The following CPXM2 variants were observed in gnomAD, a reference collection of about 807,000 sequenced individuals.
CPXM2 encodes inactive carboxypeptidase-like protein X2.
CPXM2 carries 66 observed loss-of-function variants against 86.1 expected under a neutral mutation model. The observed-to-expected ratio is 0.77, with a 90% CI of 0.63 to 0.94. CPXM2 has a LOEUF of 0.94. Ranked by LOEUF, CPXM2 falls within the 40% of genes least tolerant of loss-of-function variation. The probability of loss-of-function intolerance (pLI) is 0.00; values close to 1 mark genes in which losing one functional copy is unlikely to be tolerated. For missense variants in CPXM2, 948 were observed against 1,026.3 expected (o/e 0.92, Z 1.04); for synonymous variants, 388 against 400.2 (o/e 0.97, Z 0.36).
At chr10:123,843,655 A>G (rs1236951809) in intron 3 of CPXM2, among the ~76,000 whole-genome samples, 2 of 152,296 alleles carry the variant, frequency 1.3e-5, no homozygotes, top group East Asian at 3.9e-4. Flanking sequence ...TTCTGGGGAC[A>G]GCCTTACTTT....
rs535620073 is a variant in CPXM2, at chr10:123,786,152, G to T, written c.890-5897C>A. The stretch of plus-strand genomic sequence containing the variant: ...ATGCAGATGTAGCTTTAATCTTGAA[G>T]CAAAAAGCTTTTACTGACTTCATCC... On this transcript the variant is annotated intron_variant, in intron 6 of 13. Transcript: ENST00000241305. Among the ~76,000 whole-genome samples the T allele has an allele frequency of 8.5e-5, 13 of 152,252 alleles. No homozygotes were observed. In the South Asian group the frequency reaches 2.5e-3, roughly 29 times the overall value.
At chr10:123,921,599 T>A (rs1945579919) in intron 2 of CPXM2, among the ~76,000 whole-genome samples, 1 of 152,178 alleles carries the variant, frequency 6.6e-6, no homozygotes, top group Non-Finnish European at 1.5e-5. Context: ...AGGCAAGGAA[T>A]AAAGACCACT....
chr10:123,781,649 G>T (rs140884002), intron 6 of CPXM2, among the ~76,000 whole-genome samples: 11 of 152,328 alleles, frequency 7.2e-5, no homozygotes, highest in African/African-American at 2.6e-4. Flanking sequence ...CGAACACTCT[G>T]TGTTATGTGG....
At chr10:123,876,328 T>G (rs1944987192) in intron 2 of CPXM2, among the ~76,000 whole-genome samples, 1 of 152,142 alleles carries the variant, frequency 6.6e-6, no homozygotes, top group African/African-American at 2.4e-5. Flanking sequence ...ATTGGGTCTA[T>G]CCAGAGATGA....
chr10:123,797,586 T>G (rs1460659603), intron 6 of CPXM2, among the ~76,000 whole-genome samples: 1 of 62,896 alleles, frequency 1.6e-5, no homozygotes, highest in Admixed American at 1.7e-4. Context: ...CTTTTTACCT[T>G]TTTATTTTTT....
intron 1 of CPXM2, among the ~76,000 whole-genome samples, chr10:123,887,553 G>A (rs1945198505): frequency 6.6e-6 from 1 of 152,116 alleles, no homozygotes; most frequent in Non-Finnish European, 1.5e-5. Flanking sequence ...CCATCCCCCT[G>A]GGGATATTTG....
chr10:123,812,439 G>C lies in CPXM2; in HGVS notation c.654-13240C>G, dbSNP rs184777319. Among the ~76,000 whole-genome samples the C allele has an allele frequency of 2.6e-3, 400 of 152,254 alleles. 2 individuals are homozygous for C. The highest frequency in any genetic ancestry group is 9.2e-3 in the African/African-American group (382 of 41,550). On this transcript the variant is annotated intron_variant, in intron 4 of 13. Transcript: ENST00000241305. Reference sequence around the variant, plus strand: ...ACAAGAGTAGTTTTTAAAGGTAGGAGATTAATTGGTCCCCGATAAGGAGAA... The same window carrying C: ...ACAAGAGTAGTTTTTAAAGGTAGGACATTAATTGGTCCCCGATAAGGAGAA...
chr10:123,857,441 T>C (rs1371025404), intron 3 of CPXM2, among the ~76,000 whole-genome samples: 1 of 151,874 alleles, frequency 6.6e-6, no homozygotes, highest in Non-Finnish European at 1.5e-5. Flanking sequence ...ATTAGCACAA[T>C]TAAGGAGACA....
At chr10:123,812,938 A>G (rs1020880998) in intron 4 of CPXM2, among the ~76,000 whole-genome samples, 1 of 152,108 alleles carries the variant, frequency 6.6e-6, no homozygotes, top group African/African-American at 2.4e-5. Context: ...CAGGTTCATG[A>G]GCATTGGTTT....
At chr10:123,876,692 A>G (rs1944993457) in intron 2 of CPXM2, among the ~76,000 whole-genome samples, 2 of 152,234 alleles carry the variant, frequency 1.3e-5, no homozygotes, top group Admixed American at 1.3e-4. Context: ...CTACTAAAGC[A>G]TAAAATATTT....
intron 2 of CPXM2, 57 bp downstream of exon 2, chr10:123,880,154 A>ACCCCCC: frequency 4.5e-6 from 1 of 224,168 alleles, no homozygotes; most frequent in Non-Finnish European, 8.9e-6. Flanking sequence ...GTACCCACCC[A>ACCCCCC]CCCTCCCTGA....
At chr10:123,816,021 A>C (rs558308720) in intron 4 of CPXM2, among the ~76,000 whole-genome samples, 2 of 152,290 alleles carry the variant, frequency 1.3e-5, no homozygotes, top group East Asian at 1.9e-4. Context: ...AATATGGATT[A>C]GAAGATGGCC....
chr10:123,762,370 G>C (rs1846367565), intron 10 of CPXM2, among the ~76,000 whole-genome samples: 2 of 152,192 alleles, frequency 1.3e-5, no homozygotes, highest in Admixed American at 1.3e-4. Flanking sequence ...GGCTTTGTTT[G>C]GATCTTGATT....
intron 2 of CPXM2, among the ~76,000 whole-genome samples, chr10:123,870,413 G>A (rs1483068705): frequency 6.6e-6 from 1 of 152,186 alleles, no homozygotes; most frequent in Non-Finnish European, 1.5e-5. Flanking sequence ...GGTGGGCGCT[G>A]CCAAGAACAA....
intron 2 of CPXM2, among the ~76,000 whole-genome samples, chr10:123,875,320 T>C (rs1944963852): frequency 6.6e-6 from 1 of 152,178 alleles, no homozygotes; most frequent in Non-Finnish European, 1.5e-5. Flanking sequence ...AGTGCCCACA[T>C]TTCTTGGGCT....
At chr10:123,752,365 T>C (rs1846097990) in intron 13 of CPXM2, 1 of 984,856 alleles carries the variant, frequency 1.0e-6, no homozygotes, top group African/African-American at 1.7e-5. Flanking sequence ...GGTAGGAATG[T>C]TCAGAAAATA....
intron 6 of CPXM2, among the ~76,000 whole-genome samples, chr10:123,787,309 C>G (rs1183379293): frequency 6.6e-6 from 1 of 152,196 alleles, no homozygotes; most frequent in African/African-American, 2.4e-5. Context: ...CACCCTCACT[C>G]TTGCTGGTAC....
chr10:123,844,269 C>T (rs975846813), intron 3 of CPXM2, among the ~76,000 whole-genome samples: 2 of 151,286 alleles, frequency 1.3e-5, no homozygotes, highest in African/African-American at 2.4e-5. Flanking sequence ...GTAGGGAAAT[C>T]GCTGATAAAT....
chr10:123,824,018 C>G (rs1415961862), intron 4 of CPXM2, among the ~76,000 whole-genome samples: 1 of 152,156 alleles, frequency 6.6e-6, no homozygotes, highest in Non-Finnish European at 1.5e-5. Context: ...TTCAGCTTTT[C>G]CACTCATTTT....
Sources: allele counts gnomAD v4.1 joint callset (sites outside exome capture counted in the v4.1 genomes callset), GRCh38; gene constraint gnomAD v4.1.1; transcripts MANE v1.5; gene names NCBI Gene and HGNC (gene_info 2026-07-23, HGNC 2026-07-21).